Variants in MIER2 observed in about 807,000 individuals in gnomAD.
The protein encoded by MIER2 is mesoderm induction early response protein 2.
A neutral mutation model predicts 67.6 loss-of-function variants in MIER2; 30 were observed. The observed-to-expected ratio is 0.44, with a 90% CI of 0.33 to 0.60. The LOEUF is 0.60. Among genes scored for constraint, MIER2 ranks in the 20% least tolerant of loss-of-function variants. The probability of loss-of-function intolerance (pLI) is 0.02; values close to 1 mark genes in which losing one functional copy is unlikely to be tolerated. For synonymous variants in MIER2, 372 were observed against 312.6 expected (o/e 1.19, Z -2.00); for missense variants, 702 against 745.1 (o/e 0.94, Z 0.67).
intron 1 of MIER2, among the ~76,000 whole-genome samples, chr19:337,398 C>A (rs1433512943): frequency 6.6e-6 from 1 of 152,110 alleles, no homozygotes; most frequent in African/African-American, 2.4e-5. Context: ...CCAACAAACT[C>A]AGAACAGAAG....
chr19:334,651 C>T, intron 2 of MIER2, 109 bp from the exon 3 acceptor site: 2 of 1,431,740 alleles, frequency 1.4e-6, no homozygotes, highest in Non-Finnish European at 1.9e-6. Context: ...CCTCTGCATG[C>T]TGCCAGGATC....
Position 308,507 on chromosome 19 carries a change from C to G in MIER2, c.1198+70G>C. ...CACAGGGCGCCAGGCAGGAGAGGCT[C>G]CACCGGGCCTCACTCACGGCTCCAG... On this transcript the variant is annotated intron_variant, in intron 12 of 13. Transcript: ENST00000264819. The surrounding 1 kb of genome is among the most constrained non-coding windows in gnomAD (Gnocchi z 9.1). 1 of 1,473,548 alleles carries G rather than the reference C, an allele frequency of 6.8e-7. No homozygotes were observed. The highest frequency in any genetic ancestry group is 9.2e-7 in the Non-Finnish European group (1 of 1,091,218). 91.3% of individuals were successfully genotyped at this position (1,473,548 alleles called of 1,614,324 possible). A position where few individuals can be genotyped will look rare whatever the true frequency, so the allele number is the denominator to read the frequency against.
Position 327,402 on chromosome 19 carries a change from G to A in MIER2, c.370-146C>T, listed in dbSNP as rs1016556554. ...CCATTCTGCAAAGGGTGCACAGCGT[G>A]GGGGGAGCGGGGATGGGAAGGAGAC... is the stretch of plus-strand genomic sequence containing the variant. On this transcript the variant is annotated intron_variant, in intron 4 of 13. Coordinates refer to ENST00000264819, the MANE Select transcript of MIER2 (RefSeq NM_017550.3). The A allele has an allele frequency of 2.3e-5, 25 of 1,073,920 alleles. No individual in the cohort carries two copies. In the Middle Eastern group the frequency reaches 1.3e-3, roughly 54 times the overall value. The allele number at this position is 1,073,920 out of a possible 1,614,324, so 66.5% of individuals were successfully genotyped here. A position where few individuals can be genotyped will look rare whatever the true frequency, so the allele number is the denominator to read the frequency against.
Position 308,481 on chromosome 19 carries a change from G to T in MIER2, c.1198+96C>A. 1 of 1,351,954 alleles carries T rather than the reference G, an allele frequency of 7.4e-7. No homozygotes were observed. Among genetic ancestry groups the T allele is most frequent in the Non-Finnish European group, 1.0e-6 (1 of 997,428 alleles). 83.7% of individuals were successfully genotyped at this position (1,351,954 alleles called of 1,614,324 possible). ...CACTCCTCCTGGCGAGGCTGGCCCAGCACAGGGCGCCAGGCAGGAGAGGCT... is the reference window on the plus strand; with the variant it reads ...CACTCCTCCTGGCGAGGCTGGCCCATCACAGGGCGCCAGGCAGGAGAGGCT... On this transcript the variant is annotated intron_variant, in intron 12 of 13. Coordinates refer to ENST00000264819, the MANE Select transcript of MIER2 (RefSeq NM_017550.3). This position sits in a 1 kb window ranked among gnomAD's most constrained non-coding sequence, Gnocchi z 9.1.
chr19:322,869 CAGA>C (rs1330484877), intron 7 of MIER2, among the ~76,000 whole-genome samples: 1 of 152,180 alleles, frequency 6.6e-6, no homozygotes, highest in African/African-American at 2.4e-5. Context: ...CAGCCCATGG[CAGA>C]AAGGGTGGGT....
chr19:335,805 C>T (rs983923575), intron 2 of MIER2, among the ~76,000 whole-genome samples: 64 of 152,282 alleles, frequency 4.2e-4, no homozygotes, highest in African/African-American at 1.5e-3. Flanking sequence ...CAGCCCTCAG[C>T]TCGGTGCAGG....
chr19:344,345 C>T, intron 1 of MIER2: 1 of 984,934 alleles, frequency 1.0e-6, no homozygotes, highest in Non-Finnish European at 1.2e-6. Flanking sequence ...GCCTGGCGGC[C>T]CCAGCACTCG....
chr19:309,536 A>C lies in MIER2; in HGVS notation c.985-611T>G, dbSNP rs115246114. Among the ~76,000 whole-genome samples the C allele has an allele frequency of 6.9e-3, 1,033 of 149,798 alleles. 24 individuals are homozygous for C. The highest frequency in any genetic ancestry group is 0.064 in the Admixed American group (903 of 14,106). ...TCCCAACGTAGCACATAAAGGGCCA[A>C]ACACACATGCACACAGGCTTCAGGG... On this transcript the variant is annotated intron_variant, in intron 10 of 13. Transcript: ENST00000264819.
chr19:344,116 G>C, intron 1 of MIER2: 1 of 985,418 alleles, frequency 1.0e-6, no homozygotes, highest in Non-Finnish European at 1.2e-6. Context: ...GGCTCCAGAA[G>C]TAACTTCGTG....
Position 308,185 on chromosome 19 carries a change from T to G in MIER2, c.1198+392A>C, listed in dbSNP as rs906472626. Among the ~76,000 whole-genome samples, 3 of 152,084 alleles carry G rather than the reference T, an allele frequency of 2.0e-5. No homozygotes were observed. The highest frequency in any genetic ancestry group is 4.4e-5 in the Non-Finnish European group (3 of 67,984). The stretch of plus-strand genomic sequence containing the variant: ...TGCTGTGCTCCGTCATGGCCTCAGG[T>G]GCAAGATCCTGGCGACGGCTCCGGA... On this transcript the variant is annotated intron_variant, in intron 12 of 13. Coordinates refer to ENST00000264819, the MANE Select transcript of MIER2 (RefSeq NM_017550.3). The surrounding 1 kb of genome is among the most constrained non-coding windows in gnomAD (Gnocchi z 9.1).
intron 7 of MIER2, among the ~76,000 whole-genome samples, chr19:318,606 A>G (rs1180545030): frequency 3.9e-5 from 6 of 152,256 alleles, no homozygotes; most frequent in Non-Finnish European, 5.9e-5. Flanking sequence ...GAATACACGG[A>G]AAATTCCACC....
rs529667006 is a variant in MIER2, at chr19:307,598, C to T, written c.1199-62G>A. The T allele has an allele frequency of 1.7e-5, 24 of 1,432,744 alleles. 1 individual carries two copies. The African/African-American group carries it at 3.4e-4, about 20-fold the overall frequency. The allele number at this position is 1,432,744 out of a possible 1,614,324, so 88.8% of individuals were successfully genotyped here. A position where few individuals can be genotyped will look rare whatever the true frequency, so the allele number is the denominator to read the frequency against. On this transcript the variant is annotated intron_variant, in intron 12 of 13. Transcript: ENST00000264819. The stretch of plus-strand genomic sequence containing the variant: ...CACAGCCGCGGATCCTGTGCAGGCT[C>T]CTGCCTAACTTTGCTGGGTCCAGCA...
chr19:336,281 AC>A, intron 1 of MIER2, 108 bp from the exon 2 acceptor site: 1 of 864,104 alleles, frequency 1.2e-6, no homozygotes, highest in Non-Finnish European at 1.8e-6. Context: ...GTCCCCAGTG[AC>A]CAGGGAAGGG....
At chr19:321,445 G>T (rs1008338168) in intron 7 of MIER2, among the ~76,000 whole-genome samples, 1 of 152,150 alleles carries the variant, frequency 6.6e-6, no homozygotes, top group Non-Finnish European at 1.5e-5. Flanking sequence ...GGGAGTTCGA[G>T]ATCAGCTTGG....
chr19:323,196 A>G (rs1971569875), intron 7 of MIER2, among the ~76,000 whole-genome samples: 1 of 151,082 alleles, frequency 6.6e-6, no homozygotes, highest in African/African-American at 2.4e-5. Flanking sequence ...ACAATGCAAT[A>G]TACAAGACAC....
chr19:316,551 A>G (rs767000610), intron 7 of MIER2, among the ~76,000 whole-genome samples: 17 of 152,218 alleles, frequency 1.1e-4, no homozygotes, highest in Non-Finnish European at 2.1e-4. Flanking sequence ...CGGCCTCCCA[A>G]AGTGCTCGGA....
intron 2 of MIER2, 114 bp from the exon 3 acceptor site, chr19:334,656 A>T: frequency 7.1e-7 from 1 of 1,410,398 alleles, no homozygotes; most frequent in Non-Finnish European, 9.5e-7. Flanking sequence ...GCATGCTGCC[A>T]GGATCAGCCT....
intron 4 of MIER2, among the ~76,000 whole-genome samples, chr19:327,534 C>T (rs1168075005): frequency 1.3e-5 from 2 of 152,232 alleles, no homozygotes. Flanking sequence ...TTGGTTTTAA[C>T]CTTCTACAAT....
At chr19:310,668 C>CTGTAGAAACACGGCCAGGAG (rs1970947823) in intron 10 of MIER2, among the ~76,000 whole-genome samples, 1 of 114,496 alleles carries the variant, frequency 8.7e-6, no homozygotes, top group Non-Finnish European at 1.7e-5. Context: ...CAGCCCGAAG[C>CTGTAGAAACACGGCCAGGAG]TCCAGAAACA....
Sources: allele counts gnomAD v4.1 joint callset (sites outside exome capture counted in the v4.1 genomes callset), GRCh38; gene constraint gnomAD v4.1.1; non-coding constraint Gnocchi (gnomAD v3.1); transcripts MANE v1.5; gene names NCBI Gene and HGNC (gene_info 2026-07-23, HGNC 2026-07-21).